The following TG variants were observed in gnomAD, a reference collection of about 807,000 sequenced individuals.
The protein encoded by TG is thyroglobulin.
TG carries 270 observed loss-of-function variants against 324.7 expected under a neutral mutation model. The ratio of observed to expected loss-of-function variants is 0.83; its 90% confidence interval spans 0.75 to 0.92. The LOEUF (loss-of-function observed/expected upper bound fraction) is 0.92, where lower values mean the gene tolerates loss of function less well. Ranked by LOEUF, TG falls within the 40% of genes least tolerant of loss-of-function variation. TG has a pLI of 0.00. For missense variants in TG, 3,591 were observed against 3,456.4 expected, an observed-to-expected ratio of 1.04 and a Z score of -0.98; for synonymous variants, 1,401 against 1,327.0, an observed-to-expected ratio of 1.06 and a Z score of -1.21.
intron 23 of TG, among the ~76,000 whole-genome samples, chr8:132,933,246 C>G (rs13253544): frequency 2.2e-5 from 2 of 90,626 alleles, no homozygotes; most frequent in Non-Finnish European, 3.8e-5. Context: ...ATGTGTATTT[C>G]TATGTATTTG....
intron 22 of TG, among the ~76,000 whole-genome samples, chr8:132,927,172 G>A (rs1341502091): frequency 2.0e-5 from 3 of 152,086 alleles, no homozygotes; most frequent in East Asian, 1.9e-4. Flanking sequence ...GTGTGTACAC[G>A]TTGGAATTGT....
In TG at chr8:132,897,672, C is replaced by T. The variant is rs757804193; in HGVS notation, c.3025C>T (p.Arg1009Cys). ...AGCCTTAAGCTTCTATCAGAGACGC[C>T]GCTTTTCCCCGGACGACTCGGCTGG... ...QSTLSFYQRR[R>C]FSPDDSAGAS... Residue 1009 changes from arginine to cysteine, a missense_variant, in exon 12 of 48, where the codon CGC becomes TGC. Coordinates refer to ENST00000220616, the MANE Select transcript of TG (RefSeq NM_003235.5). 8.7e-6 allele frequency: 14 copies of T among 1,614,212 alleles called. No individual in the cohort carries two copies. The highest frequency in any genetic ancestry group is 1.3e-5 in the African/African-American group (1 of 75,050).
chr8:132,996,109 T>C (rs1356461724), intron 35 of TG, among the ~76,000 whole-genome samples: 4 of 152,202 alleles, frequency 2.6e-5, no homozygotes, highest in Admixed American at 6.5e-5. Flanking sequence ...CGGTCACAAG[T>C]TGTGATCTTG....
At chr8:132,966,735 A>G in intron 30 of TG, 38 bp downstream of exon 30, 1 of 1,613,002 alleles carries the variant, frequency 6.2e-7, no homozygotes, top group Non-Finnish European at 8.5e-7. Context: ...TCTTCCAGAC[A>G]CTGTAGTCAG....
Position 132,967,826 on chromosome 8 carries a change from G to T in TG, c.5719G>T (p.Ala1907Ser). 6.2e-7 allele frequency: 1 copy of T among 1,613,854 alleles called. No homozygotes were observed. Among genetic ancestry groups the T allele is most frequent in the South Asian group, 1.1e-5 (1 of 91,064 alleles). ...GCAGGAGCACTCTTTCTGTCAGCTC[G>T]CAGAGATAACAGAGAGTGCATCCTT... is the stretch of plus-strand genomic sequence containing the variant. ...CVQEHSFCQL[A>S]EITESASLYF... Residue 1907 changes from alanine (A) to serine (S), a missense_variant, in exon 31 of 48, where the codon GCA (alanine) becomes TCA (serine). By Grantham distance (99) the Ala-to-Ser change is moderately conservative. Coordinates refer to ENST00000220616, the MANE Select transcript of TG (RefSeq NM_003235.5).
intron 30 of TG, among the ~76,000 whole-genome samples, chr8:132,966,946 CCCATCCAT>C (rs754135665): frequency 6.6e-6 from 1 of 152,020 alleles, no homozygotes. Flanking sequence ...CGTCCATTCA[CCCATCCAT>C]CCATCCATCC....
At chr8:132,921,193 T>G (rs1821060872) in intron 21 of TG, among the ~76,000 whole-genome samples, 1 of 152,228 alleles carries the variant, frequency 6.6e-6, no homozygotes, top group Non-Finnish European at 1.5e-5. Context: ...CACTGGGGAT[T>G]AGAGCTTCCA....
At chr8:133,096,788 T>C (rs1334325657) in intron 43 of TG, among the ~76,000 whole-genome samples, 1 of 152,194 alleles carries the variant, frequency 6.6e-6, no homozygotes, top group Non-Finnish European at 1.5e-5. Flanking sequence ...AAAAAGACAC[T>C]GAAGCACCAG....
At chr8:132,907,235 C>T (rs1016708725) in intron 17 of TG, among the ~76,000 whole-genome samples, 3 of 152,128 alleles carry the variant, frequency 2.0e-5, no homozygotes, top group African/African-American at 4.8e-5. Context: ...ATAGGTGGCT[C>T]ACATGCTCAG....
intron 20 of TG, among the ~76,000 whole-genome samples, chr8:132,915,214 G>T (rs568861683): frequency 5.3e-5 from 8 of 152,256 alleles, no homozygotes; most frequent in African/African-American, 1.9e-4. Flanking sequence ...GAGGCTCCTT[G>T]GCCTCAGGGG....
Position 132,893,759 on chromosome 8 carries a change from C to T in TG, c.2831C>T (p.Ser944Leu). 6.2e-7 allele frequency: 1 copy of T among 1,613,964 alleles called. No homozygotes were observed. ...ATTAGGGAAACGGAAGAGATTGTTT[C>T]AGCTTCCAACAGTTCTCGGTTCCCT... ...QFIRETEEIV[S>L]ASNSSRFPLG... Residue 944 changes from serine to leucine, a missense_variant, in exon 11 of 48, where the codon TCA becomes TTA. Ser to Leu is a moderately radical substitution (Grantham distance 145, BLOSUM62 -2). Transcript: ENST00000220616.
At position 132,866,997 on chromosome 8, in the gene TG, G is replaced by A. The variant is rs1838987857; in HGVS notation, c.-4G>A. The A allele has an allele frequency of 6.3e-7, 1 of 1,591,384 alleles. No homozygotes were observed. ...CCTCCTTCCTCCCAGGAAGGGCCAG[G>A]AAAATGGCCCTGGTCCTGGAGATCT... is the stretch of plus-strand genomic sequence containing the variant. On this transcript the variant is annotated 5_prime_UTR_variant, in exon 1 of 48. Coordinates refer to ENST00000220616, the MANE Select transcript of TG (RefSeq NM_003235.5).
intron 47 of TG, among the ~76,000 whole-genome samples, chr8:133,133,942 A>G (rs1191200450): frequency 6.6e-6 from 1 of 152,210 alleles, no homozygotes; most frequent in East Asian, 1.9e-4. Flanking sequence ...CTGAACCAAC[A>G]TCAGGGCTTC....
intron 5 of TG, among the ~76,000 whole-genome samples, chr8:132,877,616 C>A (rs1814012426): frequency 6.6e-6 from 1 of 152,174 alleles, no homozygotes; most frequent in Non-Finnish European, 1.5e-5. Flanking sequence ...CCAGTGGAGA[C>A]CAGAATTTCG....
At chr8:133,075,304 G>A (rs1018510993) in intron 41 of TG, among the ~76,000 whole-genome samples, 1 of 152,154 alleles carries the variant, frequency 6.6e-6, no homozygotes, top group African/African-American at 2.4e-5. Flanking sequence ...GCCCACGAAG[G>A]CTGTGGCTAA....
At position 132,886,668 on chromosome 8, in the gene TG, G is replaced by A. The variant is rs61741609; in HGVS notation, c.1296G>A (p.Gln432=). The A allele has an allele frequency of 7.5e-4, 1,207 of 1,614,172 alleles. 9 individuals are homozygous for A. In the African/African-American group the frequency reaches 0.014, roughly 19 times the overall value. Residue 432 remains glutamine (Q), a synonymous_variant, in exon 9 of 48, where the codon CAG becomes CAA. Coordinates refer to ENST00000220616, the MANE Select transcript of TG (RefSeq NM_003235.5). ...CAATGGTGGAGGGACAGAGCCAACAGTTTTCTGTCTCAGAAAATCTTCTCA... is the reference window on the plus strand; with the variant it reads ...CAATGGTGGAGGGACAGAGCCAACAATTTTCTGTCTCAGAAAATCTTCTCA... ...LRPMVEGQSQ[Q]FSVSENLLKE...
intron 33 of TG, 57 bp downstream of exon 33, chr8:132,971,930 C>T (rs1587636341): frequency 8.7e-7 from 1 of 1,150,172 alleles, no homozygotes; most frequent in Non-Finnish European, 1.3e-6. Flanking sequence ...GTTTAGAAAA[C>T]ACATTCACAT....
At chr8:132,940,418 G>A (rs1369865762) in intron 25 of TG, among the ~76,000 whole-genome samples, 1 of 152,138 alleles carries the variant, frequency 6.6e-6, no homozygotes, top group Non-Finnish European at 1.5e-5. Context: ...AAAATTAACA[G>A]GGCTGATTTG....
chr8:133,070,016 AAAAAAAAAAAG>A (rs869180048), intron 41 of TG, among the ~76,000 whole-genome samples: 15 of 95,666 alleles, frequency 1.6e-4, no homozygotes, highest in African/African-American at 2.0e-4. Flanking sequence ...AAAAAAAAAA[AAAAAAAAAAAG>A]AAAGAAAGAA....
Sources: allele counts gnomAD v4.1 joint callset (sites outside exome capture counted in the v4.1 genomes callset), GRCh38; gene constraint gnomAD v4.1.1; transcripts MANE v1.5; gene names NCBI Gene and HGNC (gene_info 2026-07-23, HGNC 2026-07-21).